Variants in MEGF11 observed in about 807,000 individuals in gnomAD.
MEGF11 encodes multiple epidermal growth factor-like domains protein 11.
In MEGF11, 126 loss-of-function variants were observed where a neutral mutation model predicts 146.6. The observed-to-expected ratio is 0.86, with a 90% CI of 0.74 to 1.00. MEGF11 has a LOEUF of 1.00. Among genes scored for constraint, MEGF11 ranks in the 50% least tolerant of loss-of-function variants. MEGF11 has a pLI of 0.00. For synonymous variants in MEGF11, 532 were observed against 583.4 expected (o/e 0.91, Z 1.27); for missense variants, 1,509 against 1,521.2 (o/e 0.99, Z 0.13).
intron 4 of MEGF11, among the ~76,000 whole-genome samples, chr15:66,116,179 C>G (rs760675687): frequency 6.6e-6 from 1 of 152,124 alleles, no homozygotes; most frequent in African/African-American, 2.4e-5. Flanking sequence ...CTCAAGGCCC[C>G]GTGAAGCAGG....
chr15:66,117,190 G>A (rs2087771408), intron 4 of MEGF11, among the ~76,000 whole-genome samples: 1 of 152,194 alleles, frequency 6.6e-6, no homozygotes. Context: ...GGCAGTGGCA[G>A]AGCAAGGATC....
At position 65,982,335 on chromosome 15, in the gene MEGF11, T is replaced by C. The variant is rs2081677846; in HGVS notation, c.548A>G (p.Lys183Arg). 6.5e-7 allele frequency: 1 copy of C among 1,530,600 alleles called. No individual in the cohort carries two copies. Among genetic ancestry groups the C allele is most frequent in the Non-Finnish European group, 8.8e-7 (1 of 1,139,628 alleles). 94.8% of individuals were successfully genotyped at this position (1,530,600 alleles called of 1,614,324 possible). Residue 183 changes from lysine (K) to arginine (R), a missense_variant, in exon 6 of 26, where the codon AAG becomes AGG. Physicochemically the swap from Lys to Arg is conservative, Grantham distance 26 (BLOSUM62 2). Transcript: ENST00000395614. This position sits in a 1 kb window ranked among gnomAD's most constrained non-coding sequence, Gnocchi z 5.6. ...EELCAPGTHG[K>R]GCQLPCQCRH... is the part of the protein sequence containing the mutation. ...GCACTGGCACGGCAGCTGGCATCCC[T>C]TGCCGTGGGTGCCAGGTGCGCAGAG...
intron 4 of MEGF11, among the ~76,000 whole-genome samples, chr15:66,103,705 T>C (rs543730189): frequency 6.6e-6 from 1 of 152,216 alleles, no homozygotes; most frequent in Admixed American, 6.5e-5. Flanking sequence ...TATTCTCTTG[T>C]GGCACAGGGG....
intron 1 of MEGF11, among the ~76,000 whole-genome samples, chr15:66,162,251 G>A (rs1331018271): frequency 2.0e-5 from 3 of 152,164 alleles, no homozygotes; most frequent in Non-Finnish European, 4.4e-5. Flanking sequence ...AGAGTGGCCC[G>A]ATGGCAGTGA....
At chr15:66,093,756 G>C (rs556787830) in intron 5 of MEGF11, among the ~76,000 whole-genome samples, 1 of 152,138 alleles carries the variant, frequency 6.6e-6, no homozygotes, top group African/African-American at 2.4e-5. Context: ...TTACCCTCTT[G>C]GTGGCCAGCC....
At chr15:66,156,891 C>A (rs540921132) in intron 1 of MEGF11, among the ~76,000 whole-genome samples, 2 of 152,188 alleles carry the variant, frequency 1.3e-5, no homozygotes, top group Admixed American at 6.5e-5. Context: ...CAGAGCCAGG[C>A]AGAACCCCCT....
chr15:65,930,846 T>C lies in MEGF11; in HGVS notation c.1385A>G (p.Asp462Gly), dbSNP rs778987546. 10 of 1,610,590 alleles carry C rather than the reference T, an allele frequency of 6.2e-6. 1 individual carries two copies. In the East Asian group the frequency reaches 2.2e-4, roughly 36 times the overall value. Reference protein sequence around the residue: ...CNNGGTCSPVDGSCTCKEGWQ... With the variant: ...CNNGGTCSPVGGSCTCKEGWQ... Reference sequence around the variant, plus strand: ...ACCTTCCTTGCAGGTACAGGAGCCATCTACTGGGGAGCAGGTGCCACCATT... The same window carrying C: ...ACCTTCCTTGCAGGTACAGGAGCCACCTACTGGGGAGCAGGTGCCACCATT... The change falls in exon 11 of 26, where the codon GAT (aspartate) becomes GGT (glycine). Residue 462 changes from aspartate (D) to glycine (G), a missense_variant. Transcript: ENST00000395614.
chr15:66,231,887 C>T (rs1000506410), intron 1 of MEGF11, among the ~76,000 whole-genome samples: 8 of 152,236 alleles, frequency 5.3e-5, no homozygotes, highest in African/African-American at 9.6e-5. Flanking sequence ...CTAACCCTCA[C>T]CAAGCCCTTA....
intron 1 of MEGF11, among the ~76,000 whole-genome samples, chr15:66,230,176 C>T (rs2091940596): frequency 6.6e-6 from 1 of 152,184 alleles, no homozygotes; most frequent in Non-Finnish European, 1.5e-5. Flanking sequence ...GTAGAGGGGA[C>T]TCTCTCCAGT....
rs766256736 is a variant in MEGF11 at position 65,916,641 on chromosome 15, T to A, written c.2215+187A>T. 3.6e-5 allele frequency: 38 copies of A among 1,069,574 alleles called. No individual in the cohort carries two copies. The South Asian group carries it at 4.8e-4, about 14-fold the overall frequency. The allele number at this position is 1,069,574 out of a possible 1,614,324, so 66.3% of individuals were successfully genotyped here. ...CAGGACTTTGGGCTTGTCAATCCCC[T>A]GAATCCAGTCAGGTCTGGAGCTGCC... On this transcript the variant is annotated intron_variant, in intron 17 of 25. Coordinates refer to ENST00000395614, the MANE Select transcript of MEGF11 (RefSeq NM_001385028.1).
chr15:65,916,930 C>G lies in MEGF11; in HGVS notation c.2113G>C (p.Ala705Pro), dbSNP rs753342115. 1 of 1,539,850 alleles carries G rather than the reference C, an allele frequency of 6.5e-7. No individual in the cohort carries two copies. The change falls in exon 17 of 26, where the codon GCC (alanine) becomes CCC (proline). Residue 705 changes from alanine to proline, a missense_variant. Coordinates refer to ENST00000395614, the MANE Select transcript of MEGF11 (RefSeq NM_001385028.1). ...TGGCAGCTGCATGCGTGGAAGCAGG[C>G]GGGGCCCCAGAACCCGGGTGGGCAA... ...QACPPGFWGP[A>P]CFHACSCHNG...
At chr15:66,109,195 A>G (rs1330047853) in intron 4 of MEGF11, among the ~76,000 whole-genome samples, 1 of 152,008 alleles carries the variant, frequency 6.6e-6, no homozygotes, top group Non-Finnish European at 1.5e-5. Context: ...TCCATGGCTC[A>G]CCCATCCCTG....
intron 13 of MEGF11, among the ~76,000 whole-genome samples, chr15:65,925,638 C>T (rs1018326421): frequency 3.3e-5 from 5 of 152,142 alleles, no homozygotes; most frequent in Non-Finnish European, 5.9e-5. Flanking sequence ...TAGGGATAGT[C>T]CCCCTCAGAG....
chr15:66,249,388 G>C (rs957188000), intron 1 of MEGF11, among the ~76,000 whole-genome samples: 1 of 152,124 alleles, frequency 6.6e-6, no homozygotes, highest in Non-Finnish European at 1.5e-5. Flanking sequence ...TTCATGAGGG[G>C]CTCTCGGAGT....
intron 9 of MEGF11, 88 bp from the exon 10 acceptor site, chr15:65,957,809 C>G: frequency 7.5e-7 from 1 of 1,341,556 alleles, no homozygotes; most frequent in Non-Finnish European, 1.0e-6. Context: ...CCTGGCTTGC[C>G]TAGGGTAGCA....
At chr15:66,077,417 C>A (rs533228280) in intron 5 of MEGF11, among the ~76,000 whole-genome samples, 17 of 152,214 alleles carry the variant, frequency 1.1e-4, no homozygotes, top group Non-Finnish European at 2.2e-4. Flanking sequence ...TCTTGGGGCA[C>A]GTGTCTGGCC....
In MEGF11 at chr15:65,898,064, C is replaced by T. The variant is rs989056992; in HGVS notation, c.3293G>A (p.Cys1098Tyr). The change falls in exon 26 of 26, where the codon TGC (cysteine) becomes TAC (tyrosine). Residue 1098 changes from cysteine (C) to tyrosine (Y), a missense_variant. Transcript: ENST00000395614. Reference sequence around the variant, plus strand: ...CTGGATATAGCTGGAGTTATGACCGCAACCTTCTTGGACCACACTGACTGT... The same window carrying T: ...CTGGATATAGCTGGAGTTATGACCGTAACCTTCTTGGACCACACTGACTGT... The part of the protein sequence containing the change: ...EPTVSVVQEG[C>Y]GHNSSYIQNA... 47 of 1,613,732 alleles carry T rather than the reference C, an allele frequency of 2.9e-5. No homozygotes were observed. Among genetic ancestry groups the T allele is most frequent in the Non-Finnish European group, 4.0e-5 (47 of 1,179,798 alleles).
At chr15:66,071,802 C>A (rs1172539188) in intron 5 of MEGF11, among the ~76,000 whole-genome samples, 1 of 152,224 alleles carries the variant, frequency 6.6e-6, no homozygotes, top group Non-Finnish European at 1.5e-5. Context: ...CGCATTCCTC[C>A]CTGCCCATAG....
intron 1 of MEGF11, among the ~76,000 whole-genome samples, chr15:66,148,556 C>G (rs549740066): frequency 1.3e-5 from 2 of 152,310 alleles, no homozygotes; most frequent in Non-Finnish European, 2.9e-5. Context: ...GTCAAATGAC[C>G]TGACACTCCA....
Sources: gnomAD v4.1 joint callset for allele counts (sites outside exome capture counted in the v4.1 genomes callset) on GRCh38, gnomAD v4.1.1 for gene constraint, Gnocchi (gnomAD v3.1) non-coding constraint, MANE v1.5 for transcripts, NCBI Gene and HGNC (gene_info 2026-07-23, HGNC 2026-07-21) for gene names.